Variants in FGF12 observed in about 807,000 individuals in gnomAD.
FGF12 encodes the protein fibroblast growth factor 12B.
In FGF12, 14 loss-of-function variants were observed where a neutral mutation model predicts 23.6. That is an observed-to-expected ratio of 0.59 (90% CI 0.39 to 0.93). The LOEUF (loss-of-function observed/expected upper bound fraction) is 0.93, where lower values mean the gene tolerates loss of function less well. Among genes scored for constraint, FGF12 ranks in the 40% least tolerant of loss-of-function variants. The pLI is 0.00. For missense variants in FGF12, 175 were observed against 217.8 expected (o/e 0.80, Z 1.24); for synonymous variants, 62 against 77.3 (o/e 0.80, Z 1.04).
intron 2 of FGF12, among the ~76,000 whole-genome samples, chr3:192,719,872 G>C (rs1252789261): frequency 6.6e-6 from 1 of 151,478 alleles, no homozygotes; most frequent in Non-Finnish European, 1.5e-5. Context: ...CAGTTCCCAA[G>C]TATCTGAAAA....
At chr3:192,240,695 TA>T (rs1719571493) in intron 4 of FGF12, among the ~76,000 whole-genome samples, 1 of 152,206 alleles carries the variant, frequency 6.6e-6, no homozygotes, top group African/African-American at 2.4e-5. Context: ...AGACTCAGCT[TA>T]AATCCTATAA....
intron 2 of FGF12, among the ~76,000 whole-genome samples, chr3:192,517,883 C>CACAGAGT (rs1724718329): frequency 6.6e-6 from 1 of 152,056 alleles, no homozygotes; most frequent in African/African-American, 2.4e-5. Context: ...CAATTAGGCA[C>CACAGAGT]ACAGAGTACA....
At chr3:192,471,522 T>C (rs1305226969) in intron 2 of FGF12, among the ~76,000 whole-genome samples, 2 of 152,218 alleles carry the variant, frequency 1.3e-5, no homozygotes. Context: ...GGAAAAATTG[T>C]ATACCATGGT....
intron 2 of FGF12, among the ~76,000 whole-genome samples, chr3:192,556,084 GAC>G (rs1711759944): frequency 1.3e-5 from 2 of 151,930 alleles, no homozygotes; most frequent in Non-Finnish European, 2.9e-5. Context: ...CACAAGGGAA[GAC>G]AACAAGAGAA....
chr3:192,476,269 C>T (rs1287961399), intron 2 of FGF12, among the ~76,000 whole-genome samples: 1 of 152,058 alleles, frequency 6.6e-6, no homozygotes, highest in African/African-American at 2.4e-5. Flanking sequence ...CCAGTGACTA[C>T]CATTTAGTTC....
chr3:192,236,106 C>T (rs1030606806), intron 4 of FGF12, among the ~76,000 whole-genome samples: 1 of 152,128 alleles, frequency 6.6e-6, no homozygotes, highest in Non-Finnish European at 1.5e-5. Context: ...GCCTTAATTG[C>T]ATTCTTCACA....
intron 2 of FGF12, among the ~76,000 whole-genome samples, chr3:192,522,200 A>AGG (rs1560138521): frequency 6.9e-6 from 1 of 145,092 alleles, no homozygotes; most frequent in Non-Finnish European, 1.5e-5. Context: ...TCCGTCTCAA[A>AGG]AAAAAAAAAA....
intron 2 of FGF12, among the ~76,000 whole-genome samples, chr3:192,690,258 A>G (rs1717899619): frequency 6.6e-6 from 1 of 152,032 alleles, no homozygotes; most frequent in Non-Finnish European, 1.5e-5. Context: ...AAATCAGAAT[A>G]CCATAATACT....
At chr3:192,212,518 G>T (rs1357183923) in intron 4 of FGF12, among the ~76,000 whole-genome samples, 3 of 152,146 alleles carry the variant, frequency 2.0e-5, no homozygotes, top group African/African-American at 7.2e-5. Flanking sequence ...ATTTGCTGCT[G>T]TCTGTCTGCC....
chr3:192,355,311 A>G (rs188072206), intron 3 of FGF12, among the ~76,000 whole-genome samples: 66 of 152,372 alleles, frequency 4.3e-4, no homozygotes, highest in African/African-American at 1.6e-3. Flanking sequence ...TCTTGCAGAT[A>G]TACATTTTAA....
chr3:192,351,199 A>C (rs893915697), intron 3 of FGF12, among the ~76,000 whole-genome samples: 1 of 152,144 alleles, frequency 6.6e-6, no homozygotes, highest in Admixed American at 6.5e-5. Context: ...AAAATTTCAG[A>C]TCTATCAGAG....
intron 4 of FGF12, among the ~76,000 whole-genome samples, chr3:192,172,756 C>G (rs568773796): frequency 4.5e-4 from 68 of 151,016 alleles, no homozygotes; most frequent in African/African-American, 1.6e-3. Flanking sequence ...GTTAAACATA[C>G]AGTTGCCACA....
chr3:192,724,605 T>G (rs767132552), intron 2 of FGF12, among the ~76,000 whole-genome samples: 3 of 152,188 alleles, frequency 2.0e-5, no homozygotes, highest in Non-Finnish European at 4.4e-5. Flanking sequence ...GAGACAATGT[T>G]AAGTACATGG....
intron 2 of FGF12, among the ~76,000 whole-genome samples, chr3:192,384,472 G>A (rs1201905267): frequency 6.6e-6 from 1 of 152,142 alleles, no homozygotes; most frequent in Non-Finnish European, 1.5e-5. Flanking sequence ...GTCTTAGCTG[G>A]AAGAAATAAC....
intron 2 of FGF12, among the ~76,000 whole-genome samples, chr3:192,646,955 G>C (rs1016235598): frequency 2.0e-5 from 3 of 152,076 alleles, no homozygotes; most frequent in African/African-American, 7.2e-5. Flanking sequence ...CTAACATAGA[G>C]ATAGATCTAG....
At chr3:192,617,512 C>T (rs1714805294) in intron 2 of FGF12, among the ~76,000 whole-genome samples, 1 of 152,114 alleles carries the variant, frequency 6.6e-6, no homozygotes, top group South Asian at 2.1e-4. Context: ...CAGCCAGAAG[C>T]ACCTCTTTCA....
chr3:192,591,363 C>T lies in FGF12; in HGVS notation c.13+135818G>A, dbSNP rs368981824. Reference sequence around the variant, plus strand: ...AGAATCTTTCACTTCTGGACATGCTCGGCTCCCAGTTTTAATGCCTTAAAA... The same window carrying T: ...AGAATCTTTCACTTCTGGACATGCTTGGCTCCCAGTTTTAATGCCTTAAAA... On this transcript the variant is annotated intron_variant, in intron 2 of 5. Transcript: ENST00000445105. Among the ~76,000 whole-genome samples the T allele has an allele frequency of 1.5e-4, 22 of 151,606 alleles. 1 individual carries two copies. In the South Asian group the frequency reaches 2.5e-3, roughly 18 times the overall value.
At chr3:192,240,737 A>C (rs1308334850) in intron 4 of FGF12, among the ~76,000 whole-genome samples, 1 of 152,174 alleles carries the variant, frequency 6.6e-6, no homozygotes, top group Non-Finnish European at 1.5e-5. Flanking sequence ...GTCAGAAGAC[A>C]TATCTCCCCC....
intron 2 of FGF12, among the ~76,000 whole-genome samples, chr3:192,680,714 A>C (rs1045937606): frequency 2.0e-5 from 3 of 152,358 alleles, no homozygotes; most frequent in African/African-American, 7.2e-5. Context: ...TTATAAATGA[A>C]TACATTCTAT....
Sources: gnomAD v4.1 joint callset for allele counts (sites outside exome capture counted in the v4.1 genomes callset) on GRCh38, gnomAD v4.1.1 for gene constraint, MANE v1.5 for transcripts, NCBI Gene and HGNC (gene_info 2026-07-23, HGNC 2026-07-21) for gene names.